CABIN1: variants seen among roughly 807,000 people sequenced by gnomAD.
CABIN1 encodes the protein calcineurin-binding protein cabin-1.
In CABIN1, 133 loss-of-function variants were observed where a neutral mutation model predicts 227.7. The ratio of observed to expected loss-of-function variants is 0.58; its 90% CI spans 0.51 to 0.67. The LOEUF (loss-of-function observed/expected upper bound fraction) is 0.67. Among genes scored for constraint, CABIN1 ranks in the 30% least tolerant of loss-of-function variants. The pLI is 0.00. For missense variants in CABIN1, 2,408 were observed against 2,852.5 expected, an observed-to-expected ratio of 0.84 and a Z score of 3.55; for synonymous variants, 1,086 against 1,155.1, an observed-to-expected ratio of 0.94 and a Z score of 1.21.
chr22:24,121,923 T>C (rs2147960492), intron 28 of CABIN1, among the ~76,000 whole-genome samples: 1 of 152,326 alleles, frequency 6.6e-6, no homozygotes, highest in East Asian at 1.9e-4. Context: ...ACAGGGTACC[T>C]TCTCAAGAGG....
chr22:24,126,312 G>A (rs973204604), intron 28 of CABIN1, among the ~76,000 whole-genome samples: 1 of 152,218 alleles, frequency 6.6e-6, no homozygotes, highest in African/African-American at 2.4e-5. Flanking sequence ...TTCGAGGTGT[G>A]ATTGTGACTA....
intron 1 of CABIN1, among the ~76,000 whole-genome samples, chr22:24,024,723 T>G (rs1167188436): frequency 1.3e-5 from 2 of 152,196 alleles, no homozygotes; most frequent in Non-Finnish European, 2.9e-5. Context: ...CTTTTTATTT[T>G]TCTCACACTG....
At chr22:24,073,717 G>A (rs1810816364) in intron 18 of CABIN1, among the ~76,000 whole-genome samples, 1 of 152,180 alleles carries the variant, frequency 6.6e-6, no homozygotes, top group African/African-American at 2.4e-5. Flanking sequence ...GAAGAGCAGG[G>A]GCAGAGGAAG....
At chr22:24,162,279 TAGG>T (rs1229176233) in intron 29 of CABIN1, 1 of 152,200 alleles carries the variant, frequency 6.6e-6, no homozygotes, top group Non-Finnish European at 1.5e-5. Context: ...AGGCTCTCAT[TAGG>T]AGGGGAAGCC....
intron 14 of CABIN1, 77 bp downstream of exon 14, chr22:24,063,223 G>GGTGTGTGTGTGTATGTGTGTGT (rs1569150513): frequency 7.0e-7 from 1 of 1,424,462 alleles, no homozygotes; most frequent in Non-Finnish European, 9.8e-7. Context: ...CCATGTTGAG[G>GGTGTGTGTGTGTATGTGTGTGT]GTGTGTGTGT....
At chr22:24,101,138 G>A (rs1354979723) in intron 26 of CABIN1, among the ~76,000 whole-genome samples, 1 of 152,204 alleles carries the variant, frequency 6.6e-6, no homozygotes, top group African/African-American at 2.4e-5. Flanking sequence ...TAACTTTCCA[G>A]CAGTGGGAGA....
At chr22:24,064,538 T>C (rs2039454886) in intron 15 of CABIN1, among the ~76,000 whole-genome samples, 1 of 144,338 alleles carries the variant, frequency 6.9e-6, no homozygotes, top group South Asian at 2.3e-4. Flanking sequence ...TTTTTTTTAT[T>C]GATCATTCTT....
At chr22:24,041,581 T>A (rs1308062571) in intron 5 of CABIN1, among the ~76,000 whole-genome samples, 4 of 152,314 alleles carry the variant, frequency 2.6e-5, no homozygotes, top group African/African-American at 9.6e-5. Context: ...TCTACACCAA[T>A]ATAGTGGTAA....
At chr22:24,127,891 G>C (rs1018932058) in intron 28 of CABIN1, among the ~76,000 whole-genome samples, 9 of 152,072 alleles carry the variant, frequency 5.9e-5, no homozygotes, top group African/African-American at 2.2e-4. Flanking sequence ...ACGTAGAACA[G>C]AGTTCCCTCC....
chr22:24,115,006 A>C (rs1209524025), intron 27 of CABIN1, among the ~76,000 whole-genome samples: 2 of 152,280 alleles, frequency 1.3e-5, no homozygotes, highest in Non-Finnish European at 2.9e-5. Context: ...TGCAGTCGCC[A>C]GCCAGTGTTG....
chr22:24,128,530 A>G (rs577663330), intron 28 of CABIN1, among the ~76,000 whole-genome samples: 186 of 152,232 alleles, frequency 1.2e-3, no homozygotes, highest in Admixed American at 4.4e-3. Context: ...GTCTCCCATC[A>G]GCAGGTAGCC....
intron 29 of CABIN1, chr22:24,155,721 G>T: frequency 6.4e-6 from 2 of 314,124 alleles, no homozygotes; most frequent in Non-Finnish European, 5.8e-6. Flanking sequence ...GCCTGCAGAG[G>T]GGGGATATAA....
intron 27 of CABIN1, among the ~76,000 whole-genome samples, chr22:24,113,987 T>C (rs2042944887): frequency 6.6e-6 from 1 of 152,228 alleles, no homozygotes; most frequent in African/African-American, 2.4e-5. Context: ...TCAGGGATGC[T>C]GCCTGTTGTT....
rs1340656695 is a variant in CABIN1 at position 24,067,024 on chromosome 22, C to A, written c.2075C>A (p.Ser692Tyr). 1 of 1,614,238 alleles carries A rather than the reference C, an allele frequency of 6.2e-7. No homozygotes were observed. The highest frequency in any genetic ancestry group is 1.7e-5 in the Admixed American group (1 of 60,026). ...CTGAAGTCGCTGGAGCGGTGCCAGT[C>A]CCTGGAGGAGATTCAGCGGCTGTAT... ...KNLKSLERCQSLEEIQRLYEA... is the reference protein window; with the variant it reads ...KNLKSLERCQYLEEIQRLYEA... The change falls in exon 16 of 37, where the codon TCC (serine) becomes TAC (tyrosine). Residue 692 changes from serine to tyrosine, a missense_variant. Transcript: ENST00000263119.
At position 24,043,307 on chromosome 22, in the gene CABIN1, C is replaced by CTT. The variant is rs745547509; in HGVS notation, c.526+245_526+246dup. ...GTAGCATGTTTTCTGAATGATTTTA[C>CTT]TTTTTTTTTTTTTTTTTTTTTTTGC... On this transcript the variant is annotated intron_variant, in intron 6 of 36. Transcript: ENST00000263119. 2.3e-3 allele frequency among the ~76,000 whole-genome samples: 165 copies of CTT among 71,072 alleles called. 2 individuals are homozygous for CTT. Among genetic ancestry groups the CTT allele is most frequent in the Non-Finnish European group, 2.9e-3 (105 of 36,770 alleles). 46.6% of individuals were successfully genotyped at this position (71,072 alleles called of 152,430 possible). A position where few individuals can be genotyped will look rare whatever the true frequency, so the allele number is the denominator to read the frequency against.
chr22:24,042,736 C>A (rs890160353), intron 5 of CABIN1, among the ~76,000 whole-genome samples, 168 bp from the exon 6 acceptor site: 3 of 151,468 alleles, frequency 2.0e-5, no homozygotes, highest in African/African-American at 7.3e-5. Flanking sequence ...GGCACTTTTG[C>A]CATTTCCCTG....
In CABIN1 at chr22:24,172,002, C is replaced by G; in HGVS notation, c.6040+7C>G. On this transcript the variant is annotated splice_region_variant and intron_variant, in intron 34 of 36. Coordinates refer to ENST00000263119, the MANE Select transcript of CABIN1 (RefSeq NM_012295.4). The stretch of plus-strand genomic sequence containing the variant: ...ATGGCCTCTCTGGGCCCAGGTGAGT[C>G]CCATCCCAGTCCAGAGCTGGGCCCA... 1.2e-6 allele frequency: 2 copies of G among 1,608,118 alleles called. No individual in the cohort carries two copies. Among genetic ancestry groups the G allele is most frequent in the Non-Finnish European group, 1.7e-6 (2 of 1,179,360 alleles).
chr22:24,165,518 G>A lies in CABIN1; in HGVS notation c.4911-12G>A, dbSNP rs560025387. On this transcript the variant is annotated splice_polypyrimidine_tract_variant and intron_variant, in intron 30 of 36. Transcript: ENST00000263119. ...CCTCCTGTCCTCTCTGACTACCCCTGTATGACCGCAGGAAGTATCTGCGAG... is the reference window on the plus strand; with the variant it reads ...CCTCCTGTCCTCTCTGACTACCCCTATATGACCGCAGGAAGTATCTGCGAG... 5 of 1,610,620 alleles carry A rather than the reference G, an allele frequency of 3.1e-6. No homozygotes were observed. The highest frequency in any genetic ancestry group is 3.3e-5 in the Admixed American group (2 of 59,772).
At chr22:24,166,500 C>T in intron 31 of CABIN1, 139 bp from the exon 32 acceptor site, 2 of 1,052,196 alleles carry the variant, frequency 1.9e-6, no homozygotes, top group Non-Finnish European at 1.5e-6. Context: ...TGAAACACAG[C>T]CCTGGCCAGC....
Sources: allele counts gnomAD v4.1 joint callset (sites outside exome capture counted in the v4.1 genomes callset), GRCh38; gene constraint gnomAD v4.1.1; transcripts MANE v1.5; gene names NCBI Gene and HGNC (gene_info 2026-07-23, HGNC 2026-07-21).